The following AAK1 variants were observed in gnomAD, a reference collection of about 807,000 sequenced individuals.
AAK1 encodes AP2 associated kinase 1.
Under a neutral mutation model 116.0 loss-of-function variants are expected in AAK1, and 37 were observed. That is an observed-to-expected ratio of 0.32 (90% CI 0.25 to 0.42). AAK1 has a LOEUF of 0.42. AAK1 is among the 10% of genes least tolerant of loss of function. The pLI is 1.00. For synonymous variants in AAK1, 458 were observed against 439.9 expected (o/e 1.04, Z -0.51); for missense variants, 919 against 1,170.6 (o/e 0.79, Z 3.14).
At chr2:69,634,115 A>G (rs1169631851) in intron 2 of AAK1, among the ~76,000 whole-genome samples, 1 of 152,256 alleles carries the variant, frequency 6.6e-6, no homozygotes. Context: ...GGTTGCAGTG[A>G]GCCAAGATTG....
chr2:69,622,268 C>CG (rs1211904081), intron 2 of AAK1, among the ~76,000 whole-genome samples: 1 of 152,198 alleles, frequency 6.6e-6, no homozygotes, highest in Non-Finnish European at 1.5e-5. Context: ...TGCCTCCCCG[C>CG]GGGGCAGGGC....
chr2:69,497,936 T>C (rs1675813742), intron 16 of AAK1, among the ~76,000 whole-genome samples: 1 of 152,042 alleles, frequency 6.6e-6, no homozygotes, highest in African/African-American at 2.4e-5. Flanking sequence ...CTACTGTTCT[T>C]TTCTTCTCCC....
chr2:69,475,064 C>A lies in AAK1; in HGVS notation c.*805G>T, dbSNP rs985886232. On this transcript the variant is annotated 3_prime_UTR_variant, in exon 22 of 22. Coordinates refer to ENST00000409085, the MANE Select transcript of AAK1 (RefSeq NM_014911.5). ...TCTAATTCTGAGATCCCACTTGGAA[C>A]AGTTAACATGAAAAGGAATGGCAAT... is the stretch of plus-strand genomic sequence containing the variant. 4.2e-5 allele frequency: 41 copies of A among 978,662 alleles called. No homozygotes were observed. Among genetic ancestry groups the A allele is most frequent in the Admixed American group, 6.8e-5 (1 of 14,728 alleles). 60.6% of individuals were successfully genotyped at this position (978,662 alleles called of 1,614,324 possible).
chr2:69,505,490 C>T (rs1676148294), intron 16 of AAK1, 79 bp downstream of exon 16: 3 of 1,092,042 alleles, frequency 2.7e-6, no homozygotes, highest in Non-Finnish European at 2.7e-6. Flanking sequence ...CACTGGCATG[C>T]TAGAGTTATC....
intron 2 of AAK1, among the ~76,000 whole-genome samples, chr2:69,636,026 A>G (rs971693605): frequency 2.0e-4 from 31 of 152,338 alleles, no homozygotes; most frequent in African/African-American, 7.0e-4. Flanking sequence ...TAGCACTCCC[A>G]TTCAGTCAAT....
chr2:69,587,088 A>G (rs1450129247), intron 2 of AAK1, among the ~76,000 whole-genome samples: 4 of 151,356 alleles, frequency 2.6e-5, no homozygotes. Context: ...TTAAAAAAAA[A>G]CTTTTTTTTT....
At chr2:69,606,047 T>C (rs989679039) in intron 2 of AAK1, among the ~76,000 whole-genome samples, 12 of 152,200 alleles carry the variant, frequency 7.9e-5, no homozygotes, top group African/African-American at 2.9e-4. Context: ...GCTTTGCACT[T>C]TCCTGCCTTT....
At chr2:69,588,761 T>C (rs1672896139) in intron 2 of AAK1, among the ~76,000 whole-genome samples, 1 of 152,218 alleles carries the variant, frequency 6.6e-6, no homozygotes, top group Non-Finnish European at 1.5e-5. Context: ...CTTATTGAGT[T>C]CCTCTGCATT....
At position 69,627,296 on chromosome 2, in the gene AAK1, G is replaced by GAAA. The variant is rs202013778; in HGVS notation, c.163+15579_163+15581dup. Among the ~76,000 whole-genome samples the GAAA allele has an allele frequency of 4.6e-3, 436 of 95,122 alleles. 1 individual carries two copies. The highest frequency in any genetic ancestry group is 0.015 in the African/African-American group (420 of 28,402). 62.4% of individuals were successfully genotyped at this position (95,122 alleles called of 152,430 possible). ...AGAGTGAGACTCTGTCTCAAAAAGAGAAAAAAAAAAAAAAAGATTCTCATG... is the reference window on the plus strand; with the variant it reads ...AGAGTGAGACTCTGTCTCAAAAAGAGAAAAAAAAAAAAAAAAAAGATTCTCATG... On this transcript the variant is annotated intron_variant, in intron 2 of 21. Coordinates refer to ENST00000409085, the MANE Select transcript of AAK1 (RefSeq NM_014911.5).
At chr2:69,486,375 A>C (rs557647139) in intron 17 of AAK1, among the ~76,000 whole-genome samples, 5 of 152,242 alleles carry the variant, frequency 3.3e-5, no homozygotes, top group Admixed American at 2.6e-4. Context: ...TGCCTGATTT[A>C]GGGGGGCTTA....
At chr2:69,627,044 T>G (rs1333905705) in intron 2 of AAK1, among the ~76,000 whole-genome samples, 1 of 151,772 alleles carries the variant, frequency 6.6e-6, no homozygotes, top group South Asian at 2.1e-4. Flanking sequence ...TCCCAGCACT[T>G]TGGGAGGCCG....
chr2:69,478,034 C>T (rs1407034758), intron 20 of AAK1, among the ~76,000 whole-genome samples: 5 of 152,170 alleles, frequency 3.3e-5, no homozygotes, highest in Non-Finnish European at 7.3e-5. Context: ...GGATTTCAGA[C>T]CACTATTAAC....
intron 16 of AAK1, among the ~76,000 whole-genome samples, chr2:69,496,429 A>T (rs1675748679): frequency 4.0e-5 from 6 of 151,846 alleles, no homozygotes; most frequent in Admixed American, 3.9e-4. Flanking sequence ...ACGCACAGCT[A>T]ATTTTTGTAT....
chr2:69,467,609 T>C lies in AAK1; in HGVS notation c.*8260A>G. 1.0e-6 allele frequency: 1 copy of C among 985,336 alleles called. No homozygotes were observed. The highest frequency in any genetic ancestry group is 1.2e-6 in the Non-Finnish European group (1 of 829,870). 61.0% of individuals were successfully genotyped at this position (985,336 alleles called of 1,614,324 possible). On this transcript the variant is annotated 3_prime_UTR_variant, in exon 22 of 22. Transcript: ENST00000409085. ...AACCCACCAGGATAAGAATATTAGA[T>C]ACAATGATTTGGAGCCATAGATGAC...
At chr2:69,509,189 T>A in intron 14 of AAK1, 42 bp downstream of exon 14, 1 of 1,575,446 alleles carries the variant, frequency 6.3e-7, no homozygotes, top group Non-Finnish European at 8.7e-7. Flanking sequence ...AGGCAGACTT[T>A]GCCCACAGAG....
intron 2 of AAK1, chr2:69,598,475 G>C (rs1166001222): frequency 4.9e-6 from 1 of 202,320 alleles, no homozygotes; most frequent in African/African-American, 2.3e-5. Flanking sequence ...TTTCTTAAAA[G>C]TGGATATTTA....
At chr2:69,565,708 TC>T (rs1438700405) in intron 2 of AAK1, among the ~76,000 whole-genome samples, 2 of 152,200 alleles carry the variant, frequency 1.3e-5, no homozygotes, top group East Asian at 3.8e-4. Flanking sequence ...TGGGAGAGTG[TC>T]CTCTCCATGG....
chr2:69,640,313 C>T (rs75915528), intron 2 of AAK1, among the ~76,000 whole-genome samples: 3,189 of 152,106 alleles, frequency 0.021, 109 homozygotes, highest in African/African-American at 0.073. Context: ...CCAACAAGCT[C>T]GCAGGTGATA....
At chr2:69,588,324 A>T (rs1672877611) in intron 2 of AAK1, among the ~76,000 whole-genome samples, 1 of 152,202 alleles carries the variant, frequency 6.6e-6, no homozygotes, top group Admixed American at 6.5e-5. Context: ...TCAGGTGGGT[A>T]CCTGACATCA....
Sources: allele counts gnomAD v4.1 joint callset (sites outside exome capture counted in the v4.1 genomes callset), GRCh38; gene constraint gnomAD v4.1.1; transcripts MANE v1.5; gene names NCBI Gene and HGNC (gene_info 2026-07-23, HGNC 2026-07-21).